Variants in FER1L6 observed in about 807,000 individuals in gnomAD.
FER1L6 encodes the protein fer-1-like protein 6.
FER1L6 carries 177 observed loss-of-function variants against 219.2 expected under a neutral mutation model. That is an observed-to-expected ratio of 0.81 (90% CI 0.71 to 0.91). The LOEUF is 0.91. FER1L6 is among the 40% of genes least tolerant of loss of function. The pLI is 0.00. For synonymous variants in FER1L6, 768 were observed against 824.3 expected (o/e 0.93, Z 1.17); for missense variants, 2,153 against 2,259.9 (o/e 0.95, Z 0.96).
At chr8:123,918,556 G>A (rs1229101150) in intron 1 of FER1L6, among the ~76,000 whole-genome samples, 1 of 152,124 alleles carries the variant, frequency 6.6e-6, no homozygotes, top group Non-Finnish European at 1.5e-5. Context: ...TGTGTCAGGG[G>A]CTATTAAGGG....
intron 13 of FER1L6, 32 bp downstream of exon 13, chr8:124,003,379 G>A (rs773085454): frequency 1.9e-5 from 28 of 1,496,622 alleles, no homozygotes; most frequent in East Asian, 2.5e-5. Flanking sequence ...AACAGTCAAG[G>A]ATTTTGCTGG....
intron 22 of FER1L6, among the ~76,000 whole-genome samples, chr8:124,059,453 G>A (rs1820459543): frequency 6.6e-6 from 1 of 152,242 alleles, no homozygotes; most frequent in Admixed American, 6.5e-5. Flanking sequence ...GTTTTCTTTG[G>A]GGAAACCTTC....
At chr8:124,067,909 C>T (rs1586662815) in intron 28 of FER1L6, 103 bp downstream of exon 28, 1 of 864,560 alleles carries the variant, frequency 1.2e-6, no homozygotes, top group Non-Finnish European at 1.9e-6. Context: ...TCAACTCCCT[C>T]CTTTCCCGAG....
intron 39 of FER1L6, among the ~76,000 whole-genome samples, chr8:124,106,874 A>G (rs1822797869): frequency 6.6e-6 from 1 of 151,944 alleles, no homozygotes; most frequent in African/African-American, 2.4e-5. Flanking sequence ...TAATACTCAA[A>G]TATTTATTGA....
chr8:124,074,974 C>T (rs1821217759), intron 31 of FER1L6, among the ~76,000 whole-genome samples: 1 of 152,084 alleles, frequency 6.6e-6, no homozygotes, highest in African/African-American at 2.4e-5. Flanking sequence ...GGGCACTTAC[C>T]ATGAATGGAG....
At chr8:124,064,200 C>CG in intron 25 of FER1L6, 147 bp from the exon 26 acceptor site, 1 of 726,446 alleles carries the variant, frequency 1.4e-6, no homozygotes, top group Non-Finnish European at 2.4e-6. Context: ...TTTTTACTGT[C>CG]ATTTTATACA....
At chr8:124,052,334 A>C (rs1820084629) in intron 22 of FER1L6, among the ~76,000 whole-genome samples, 2 of 152,206 alleles carry the variant, frequency 1.3e-5, no homozygotes, top group African/African-American at 4.8e-5. Flanking sequence ...TGTCTCGAAT[A>C]TCTCTCAACT....
At chr8:123,964,603 T>G (rs906653616) in intron 3 of FER1L6, among the ~76,000 whole-genome samples, 2 of 152,210 alleles carry the variant, frequency 1.3e-5, no homozygotes, top group African/African-American at 4.8e-5. Context: ...GGGATTTCAG[T>G]CATTTTTTAA....
rs16899191 is a variant in FER1L6, at chr8:124,013,319, T to C, written c.1822-112T>C. 0.02 allele frequency: 11,599 copies of C among 582,286 alleles called. 1,068 individuals carry two copies. In the African/African-American group the frequency reaches 0.2, roughly 10 times the overall value. 36.1% of individuals were successfully genotyped at this position (582,286 alleles called of 1,614,324 possible). On this transcript the variant is annotated intron_variant, in intron 14 of 40. Coordinates refer to ENST00000522917, the MANE Select transcript of FER1L6 (RefSeq NM_001039112.2). ...AGAAAACTAGATAAATCCTCCTTCA[T>C]TGCCAAAACAAAAAAAAAATAGCTG...
At chr8:124,031,846 T>C (rs1348078364) in intron 18 of FER1L6, among the ~76,000 whole-genome samples, 1 of 152,146 alleles carries the variant, frequency 6.6e-6, no homozygotes, top group African/African-American at 2.4e-5. Context: ...AAAAATGGGA[T>C]CCTGTTCCTG....
chr8:123,952,878 C>T (rs1423310636), intron 1 of FER1L6, among the ~76,000 whole-genome samples: 2 of 152,176 alleles, frequency 1.3e-5, no homozygotes, highest in Non-Finnish European at 2.9e-5. Flanking sequence ...CACTTTGTAG[C>T]ACGCTTTACA....
intron 13 of FER1L6, among the ~76,000 whole-genome samples, chr8:124,009,055 T>A (rs1391594470): frequency 1.3e-5 from 2 of 151,978 alleles, no homozygotes; most frequent in African/African-American, 4.8e-5. Context: ...ATGAATGCAG[T>A]GAAAAGGTAA....
intron 32 of FER1L6, among the ~76,000 whole-genome samples, 180 bp downstream of exon 32, chr8:124,076,505 C>A (rs957534001): frequency 8.5e-5 from 13 of 152,218 alleles, no homozygotes; most frequent in African/African-American, 2.7e-4. Context: ...GGGTTGAATT[C>A]TTTCATGGTC....
At chr8:123,886,217 AT>A (rs1257148597) in intron 1 of FER1L6, among the ~76,000 whole-genome samples, 1 of 152,114 alleles carries the variant, frequency 6.6e-6, no homozygotes, top group African/African-American at 2.4e-5. Context: ...TGGTTTGGAT[AT>A]GGTTTGTCCC....
Position 124,111,250 on chromosome 8 carries a change from T to C in FER1L6, c.5290-7594T>C, listed in dbSNP as rs1370689853. Reference sequence around the variant, plus strand: ...GGAGAACTAAGCCTCTCATTTTTAATTTTTATTTGTTGCCCTTACACCTCC... The same window carrying C: ...GGAGAACTAAGCCTCTCATTTTTAACTTTTATTTGTTGCCCTTACACCTCC... On this transcript the variant is annotated intron_variant, in intron 39 of 40. Transcript: ENST00000522917. This position sits in a 1 kb window ranked among gnomAD's most constrained non-coding sequence, Gnocchi z 5.0. 1.3e-5 allele frequency among the ~76,000 whole-genome samples: 2 copies of C among 152,240 alleles called. No individual in the cohort carries two copies.
At chr8:124,019,446 C>T (rs893097526) in intron 16 of FER1L6, among the ~76,000 whole-genome samples, 4 of 152,314 alleles carry the variant, frequency 2.6e-5, no homozygotes, top group South Asian at 4.1e-4. Context: ...GTTTTCACCT[C>T]GCCAAACTGT....
intron 1 of FER1L6, among the ~76,000 whole-genome samples, chr8:123,908,720 T>C (rs1043666016): frequency 2.6e-5 from 4 of 152,184 alleles, no homozygotes; most frequent in African/African-American, 9.7e-5. Flanking sequence ...TTGAAGTCTT[T>C]TAGATGCTAT....
At position 123,936,462 on chromosome 8, in the gene FER1L6, GTT is replaced by G. The variant is rs779012175; in HGVS notation, c.-7-19507_-7-19506del. Among the ~76,000 whole-genome samples the G allele has an allele frequency of 5.5e-3, 540 of 97,868 alleles. 2 individuals carry two copies. Among genetic ancestry groups the G allele is most frequent in the African/African-American group, 0.019 (496 of 25,528 alleles). The allele number at this position is 97,868 out of a possible 152,430, so 64.2% of individuals were successfully genotyped here. A position where few individuals can be genotyped will look rare whatever the true frequency, so the allele number is the denominator to read the frequency against. On this transcript the variant is annotated intron_variant, in intron 1 of 40. Coordinates refer to ENST00000522917, the MANE Select transcript of FER1L6 (RefSeq NM_001039112.2). ...TTTAGATAAAAGATAATTGCAGCCTGTTTTTTTTTTTTTTTTTTTTTTTTGTA... is the reference window on the plus strand; with the variant it reads ...TTTAGATAAAAGATAATTGCAGCCTGTTTTTTTTTTTTTTTTTTTTTTGTA...
At chr8:123,953,757 C>T (rs1814886196) in intron 1 of FER1L6, among the ~76,000 whole-genome samples, 2 of 152,234 alleles carry the variant, frequency 1.3e-5, no homozygotes, top group Admixed American at 1.3e-4. Context: ...AGCCCAATGG[C>T]CACGTTCCCA....
Sources: allele counts gnomAD v4.1 joint callset (sites outside exome capture counted in the v4.1 genomes callset), GRCh38; gene constraint gnomAD v4.1.1; non-coding constraint Gnocchi (gnomAD v3.1); transcripts MANE v1.5; gene names NCBI Gene and HGNC (gene_info 2026-07-23, HGNC 2026-07-21).